The following IGSF11 variants were observed in gnomAD, a reference collection of about 807,000 sequenced individuals.
IGSF11 encodes CXADR like 1.
Under a neutral mutation model 41.0 loss-of-function variants are expected in IGSF11, and 22 were observed. The ratio of observed to expected loss-of-function variants is 0.54; its 90% CI spans 0.38 to 0.77. IGSF11 has a LOEUF of 0.77. Ranked by LOEUF, IGSF11 falls within the 30% of genes least tolerant of loss-of-function variation. IGSF11 has a pLI of 0.00. For missense variants in IGSF11, 444 were observed against 530.8 expected (o/e 0.84, Z 1.61); for synonymous variants, 219 against 201.3 (o/e 1.09, Z -0.74).
At chr3:119,065,420 GAC>G (rs1942193260) in intron 1 of IGSF11, among the ~76,000 whole-genome samples, 1 of 151,984 alleles carries the variant, frequency 6.6e-6, no homozygotes, top group Non-Finnish European at 1.5e-5. Context: ...CTACTTTCAT[GAC>G]ACAGTGGTCT....
At chr3:119,002,684 T>C (rs1244221753) in intron 1 of IGSF11, among the ~76,000 whole-genome samples, 15 of 134,770 alleles carry the variant, frequency 1.1e-4, no homozygotes, top group Non-Finnish European at 2.0e-4. Context: ...TTCAGCTTTC[T>C]ACATATGGCT....
intron 1 of IGSF11, among the ~76,000 whole-genome samples, chr3:119,116,346 C>T (rs1253788273): frequency 6.6e-6 from 1 of 152,062 alleles, no homozygotes; most frequent in Non-Finnish European, 1.5e-5. Flanking sequence ...GGTTCTCAGG[C>T]CTTTGAACTC....
chr3:119,101,376 G>C (rs1010400234), intron 1 of IGSF11, among the ~76,000 whole-genome samples: 1 of 152,042 alleles, frequency 6.6e-6, no homozygotes, highest in Admixed American at 6.6e-5. Flanking sequence ...AAGCGTGGTG[G>C]CGCATGTCTG....
intron 1 of IGSF11, among the ~76,000 whole-genome samples, chr3:118,956,734 C>G (rs1197832842): frequency 6.6e-6 from 1 of 152,038 alleles, no homozygotes; most frequent in East Asian, 1.9e-4. Context: ...GACCACAGAT[C>G]ATCATAATAG....
At chr3:118,906,704 C>T (rs142592140) in intron 4 of IGSF11, among the ~76,000 whole-genome samples, 1 of 152,292 alleles carries the variant, frequency 6.6e-6, no homozygotes, top group East Asian at 1.9e-4. Context: ...AATTCATCAA[C>T]ATTAGCATAG....
chr3:119,027,929 A>G (rs1358004826), intron 1 of IGSF11, among the ~76,000 whole-genome samples: 1 of 152,202 alleles, frequency 6.6e-6, no homozygotes, highest in Non-Finnish European at 1.5e-5. Flanking sequence ...TCTGATTTGA[A>G]TATGTCCTGC....
intron 1 of IGSF11, among the ~76,000 whole-genome samples, chr3:118,938,087 A>G (rs1943416266): frequency 6.6e-6 from 1 of 151,982 alleles, no homozygotes; most frequent in South Asian, 2.1e-4. Context: ...GTATATACAT[A>G]TGTGTGTGTA....
upstream of IGSF11, among the ~76,000 whole-genome samples, chr3:119,108,068 C>T (rs961912791): frequency 4.7e-5 from 7 of 150,480 alleles, no homozygotes; most frequent in African/African-American, 7.4e-5. Context: ...CTTGGCAATG[C>T]GGGCTCTTTT....
At chr3:119,025,182 C>T (rs149633470) in intron 1 of IGSF11, among the ~76,000 whole-genome samples, 21 of 152,092 alleles carry the variant, frequency 1.4e-4, no homozygotes, top group African/African-American at 4.8e-4. Context: ...GTTTTACAAA[C>T]ATGTTAAAAC....
intron 4 of IGSF11, among the ~76,000 whole-genome samples, chr3:118,920,141 G>C (rs1187716351): frequency 4.1e-5 from 6 of 144,790 alleles, no homozygotes; most frequent in African/African-American, 1.5e-4. Flanking sequence ...GGATAGCATT[G>C]GGAGATATAC....
intron 1 of IGSF11, among the ~76,000 whole-genome samples, chr3:118,944,341 C>T (rs1431607897): frequency 6.6e-6 from 1 of 152,028 alleles, no homozygotes; most frequent in Non-Finnish European, 1.5e-5. Flanking sequence ...CTGACCTTTG[C>T]CTGTTCTTCC....
intron 1 of IGSF11, among the ~76,000 whole-genome samples, chr3:118,976,378 G>A (rs766890910): frequency 2.0e-5 from 3 of 152,134 alleles, no homozygotes; most frequent in Non-Finnish European, 4.4e-5. Flanking sequence ...TAGTTCTCAT[G>A]CTATTGTCTG....
intron 1 of IGSF11, among the ~76,000 whole-genome samples, chr3:119,005,877 C>G (rs945304085): frequency 7.5e-6 from 1 of 133,266 alleles, no homozygotes; most frequent in Non-Finnish European, 1.5e-5. Context: ...CCCGACCTTT[C>G]TCTCTGGCTG....
At chr3:118,987,018 T>C (rs1576562528) in intron 1 of IGSF11, among the ~76,000 whole-genome samples, 1 of 152,190 alleles carries the variant, frequency 6.6e-6, no homozygotes, top group East Asian at 1.9e-4. Flanking sequence ...GATTCATTTA[T>C]CTAGACATCT....
At chr3:118,938,037 T>C (rs561139915) in intron 1 of IGSF11, among the ~76,000 whole-genome samples, 15 of 150,232 alleles carry the variant, frequency 1.0e-4, no homozygotes, top group African/African-American at 3.8e-4. Flanking sequence ...TATATATATA[T>C]AAAATGTGTG....
intron 1 of IGSF11, among the ~76,000 whole-genome samples, chr3:119,134,876 T>C (rs1006296621): frequency 1.3e-5 from 2 of 151,910 alleles, no homozygotes; most frequent in African/African-American, 4.8e-5. Context: ...CACATACCAA[T>C]AGAACCGAAC....
intron 1 of IGSF11, among the ~76,000 whole-genome samples, chr3:118,933,470 TTATA>T (rs1553754813): frequency 1.4e-5 from 2 of 146,134 alleles, no homozygotes. Context: ...CATGTATTTT[TTATA>T]TATATATATA....
At chr3:119,082,342 G>C (rs905793661) in intron 1 of IGSF11, among the ~76,000 whole-genome samples, 5 of 152,070 alleles carry the variant, frequency 3.3e-5, no homozygotes, top group African/African-American at 1.2e-4. Context: ...ATCTGGCTCT[G>C]AGCTTCCTGG....
chr3:118,968,623 C>G (rs1437982037), intron 1 of IGSF11, among the ~76,000 whole-genome samples: 2 of 152,160 alleles, frequency 1.3e-5, no homozygotes, highest in African/African-American at 4.8e-5. Flanking sequence ...AAATATTACA[C>G]AAGACAGAGC....
Sources: gnomAD v4.1 joint callset for allele counts (sites outside exome capture counted in the v4.1 genomes callset) on GRCh38, gnomAD v4.1.1 for gene constraint, MANE v1.5 for transcripts, NCBI Gene and HGNC (gene_info 2026-07-23, HGNC 2026-07-21) for gene names.